DYRK4: variants seen among roughly 807,000 people sequenced by gnomAD.
DYRK4 encodes dual specificity tyrosine phosphorylation regulated kinase 4.
A neutral mutation model predicts 68.3 loss-of-function variants in DYRK4; 64 were observed. That is an observed-to-expected ratio of 0.94 (90% CI 0.77 to 1.15). DYRK4 has a LOEUF of 1.15. Ranked by LOEUF, DYRK4 falls within the 50% of genes most tolerant of loss-of-function variation. The pLI, the probability that DYRK4 is intolerant of heterozygous loss-of-function variation, is 0.00. For synonymous variants in DYRK4, 274 were observed against 289.9 expected (o/e 0.95, Z 0.56); for missense variants, 740 against 764.7 (o/e 0.97, Z 0.38).
At chr12:4,603,242 T>C in intron 10 of DYRK4, 2 of 968,542 alleles carry the variant, frequency 2.1e-6, no homozygotes, top group Non-Finnish European at 3.3e-6. Context: ...TTTGCTGTGT[T>C]CTATTACTGT....
chr12:4,588,617 T>TC (rs1450695207), intron 2 of DYRK4, among the ~76,000 whole-genome samples: 7 of 152,186 alleles, frequency 4.6e-5, no homozygotes, highest in Non-Finnish European at 8.8e-5. Flanking sequence ...CAAGAGCAGC[T>TC]CAGCTGTTAC....
intron 12 of DYRK4, among the ~76,000 whole-genome samples, chr12:4,608,236 G>C (rs1437013890): frequency 6.6e-6 from 1 of 152,162 alleles, no homozygotes; most frequent in Non-Finnish European, 1.5e-5. Context: ...AGGAGGAAAA[G>C]GGAACTCCAC....
chr12:4,604,849 G>A, intron 10 of DYRK4, 65 bp from the exon 11 acceptor site: 1 of 1,490,704 alleles, frequency 6.7e-7, no homozygotes, highest in East Asian at 2.5e-5. Context: ...AAGTTGTCCT[G>A]GGGGAGAGCG....
intron 6 of DYRK4, among the ~76,000 whole-genome samples, chr12:4,593,470 G>A (rs760309591): frequency 6.6e-6 from 1 of 152,130 alleles, no homozygotes; most frequent in Non-Finnish European, 1.5e-5. Context: ...ACTGGAAAAG[G>A]CCAGACTGAA....
intron 2 of DYRK4, among the ~76,000 whole-genome samples, chr12:4,576,973 A>C (rs1649978376): frequency 6.6e-6 from 1 of 152,202 alleles, no homozygotes. Flanking sequence ...CGTTTTCTTA[A>C]CAAAGTCTTT....
At chr12:4,579,655 G>A (rs1305284611) in intron 2 of DYRK4, among the ~76,000 whole-genome samples, 1 of 152,168 alleles carries the variant, frequency 6.6e-6, no homozygotes, top group African/African-American at 2.4e-5. Context: ...GATAGAAATA[G>A]AGCCTTAGAA....
intron 2 of DYRK4, among the ~76,000 whole-genome samples, chr12:4,583,415 T>C (rs1008800152): frequency 1.3e-5 from 2 of 152,014 alleles, no homozygotes; most frequent in African/African-American, 2.4e-5. Context: ...CATTTGGGCC[T>C]CAGCCATAGC....
Position 4,593,108 on chromosome 12 carries a change from G to A in DYRK4, c.570G>A (p.Thr190=), listed in dbSNP as rs140089283. The change falls in exon 6 of 15, where the codon ACG becomes ACA. Residue 190 remains threonine (T), a synonymous_variant. Coordinates refer to ENST00000543431, the MANE Select transcript of DYRK4 (RefSeq NM_001394779.1). ...GTCTTGAAGCCAAGAAGCTCGACAC[G>A]GCTCCTGAGAAATTTAGCAAGACGA... The part of the protein sequence containing the change: ...FLGLEAKKLD[T]APEKFSKTSF... 224 of 1,614,174 alleles carry A rather than the reference G, an allele frequency of 1.4e-4. 1 individual carries two copies. In the African/African-American group the frequency reaches 2.0e-3, roughly 14 times the overall value.
intron 12 of DYRK4, chr12:4,609,946 C>CAAA (rs1215001926): frequency 5.6e-6 from 2 of 360,352 alleles, no homozygotes; most frequent in Admixed American, 9.4e-5. Flanking sequence ...AGGAAAAAAT[C>CAAA]AATTTTTAAA....
chr12:4,605,533 A>T (rs975701788), intron 11 of DYRK4, among the ~76,000 whole-genome samples: 1 of 152,046 alleles, frequency 6.6e-6, no homozygotes, highest in Non-Finnish European at 1.5e-5. Flanking sequence ...CTAATTTAAT[A>T]TACGTTTATG....
At chr12:4,590,969 G>A (rs1021921378) in intron 4 of DYRK4, 191 bp from the exon 5 acceptor site, 3 of 660,674 alleles carry the variant, frequency 4.5e-6, no homozygotes, top group Non-Finnish European at 7.5e-6. Context: ...CCCAGGAATA[G>A]TGTCAGTCAG....
At chr12:4,573,196 TATA>T (rs1406748325) in intron 2 of DYRK4, 3 of 669,036 alleles carry the variant, frequency 4.5e-6, no homozygotes, top group Non-Finnish European at 6.6e-6. Flanking sequence ...ACGTTTAAAA[TATA>T]ATCGTAAGCA....
At chr12:4,611,229 G>A (rs750243498) in intron 13 of DYRK4, among the ~76,000 whole-genome samples, 2 of 152,228 alleles carry the variant, frequency 1.3e-5, no homozygotes, top group Non-Finnish European at 2.9e-5. Context: ...AATGATGAAA[G>A]TATTCCCATC....
At chr12:4,602,472 G>C in intron 10 of DYRK4, 2 of 1,292,930 alleles carry the variant, frequency 1.5e-6, no homozygotes. Context: ...CCTTTACTTC[G>C]ATCTGAGATG....
At chr12:4,586,846 C>T (rs925040266) in intron 2 of DYRK4, among the ~76,000 whole-genome samples, 1 of 152,180 alleles carries the variant, frequency 6.6e-6, no homozygotes, top group African/African-American at 2.4e-5. Context: ...GGAAAATGAA[C>T]TCTAGCAGAC....
intron 2 of DYRK4, among the ~76,000 whole-genome samples, chr12:4,579,696 A>G (rs1022640270): frequency 1.3e-5 from 2 of 152,256 alleles, no homozygotes; most frequent in African/African-American, 2.4e-5. Flanking sequence ...TACATGATGC[A>G]TAAATCCACT....
chr12:4,581,329 G>A (rs6489554), intron 2 of DYRK4, among the ~76,000 whole-genome samples: 1,898 of 152,236 alleles, frequency 0.012, 35 homozygotes, highest in African/African-American at 0.044. Context: ...AGGTCAGTGC[G>A]GTTTGTAATG....
intron 11 of DYRK4, among the ~76,000 whole-genome samples, chr12:4,605,755 T>TC (rs1555124180): frequency 5.9e-5 from 6 of 102,220 alleles, no homozygotes; most frequent in African/African-American, 1.9e-4. Flanking sequence ...TTTTTTTTTT[T>TC]CCAAATTAAT....
chr12:4,604,890 GT>G (rs752324274), intron 10 of DYRK4, 23 bp from the exon 11 acceptor site: 20 of 1,561,066 alleles, frequency 1.3e-5, no homozygotes, highest in Non-Finnish European at 4.4e-6. Flanking sequence ...GTCCCACGAG[GT>G]TTCTCTTACT....
Sources: gnomAD v4.1 joint callset for allele counts (sites outside exome capture counted in the v4.1 genomes callset) on GRCh38, gnomAD v4.1.1 for gene constraint, MANE v1.5 for transcripts, NCBI Gene and HGNC (gene_info 2026-07-23, HGNC 2026-07-21) for gene names.